Variants in CADM2 observed in about 807,000 individuals in gnomAD.
CADM2 encodes cell adhesion molecule 2.
CADM2 carries 12 observed loss-of-function variants against 49.8 expected under a neutral mutation model. The ratio of observed to expected loss-of-function variants is 0.24; its 90% CI spans 0.15 to 0.39. The LOEUF is 0.39. Among genes scored for constraint, CADM2 ranks in the 10% least tolerant of loss-of-function variants. CADM2 has a pLI of 1.00. For synonymous variants in CADM2, 214 were observed against 175.4 expected (o/e 1.22, Z -1.74); for missense variants, 378 against 492.3 (o/e 0.77, Z 2.20).
chr3:85,845,260 T>C (rs2074829031), intron 3 of CADM2, among the ~76,000 whole-genome samples: 1 of 151,488 alleles, frequency 6.6e-6, no homozygotes, highest in Admixed American at 6.6e-5. Context: ...ACAAGACAGA[T>C]AGCAGGACAG....
intron 2 of CADM2, among the ~76,000 whole-genome samples, chr3:85,748,855 A>G (rs189220266): frequency 3.5e-4 from 53 of 152,260 alleles, no homozygotes; most frequent in Non-Finnish European, 6.5e-4. Context: ...TGGTGGATAA[A>G]TGAATTAATT....
chr3:85,677,131 A>T (rs1196897275), intron 1 of CADM2, among the ~76,000 whole-genome samples: 1 of 152,146 alleles, frequency 6.6e-6, no homozygotes, highest in Non-Finnish European at 1.5e-5. Context: ...CTTATTACTG[A>T]TTAATACACT....
chr3:85,679,028 G>A (rs1408972648), intron 1 of CADM2, among the ~76,000 whole-genome samples: 1 of 152,106 alleles, frequency 6.6e-6, no homozygotes, highest in Non-Finnish European at 1.5e-5. Flanking sequence ...GAGATATGAT[G>A]CATAGCGAAT....
At chr3:85,757,927 T>C (rs2069197433) in intron 2 of CADM2, among the ~76,000 whole-genome samples, 1 of 152,154 alleles carries the variant, frequency 6.6e-6, no homozygotes, top group South Asian at 2.1e-4. Context: ...AATAATCAAA[T>C]GGAAGTTTTA....
intron 1 of CADM2, among the ~76,000 whole-genome samples, chr3:85,559,911 A>G (rs933272049): frequency 1.2e-4 from 18 of 152,118 alleles, no homozygotes; most frequent in Non-Finnish European, 2.1e-4. Flanking sequence ...CATATCTCAG[A>G]GAAATGTTGC....
chr3:86,047,111 T>A (rs77447062), intron 8 of CADM2, among the ~76,000 whole-genome samples: 5,244 of 152,142 alleles, frequency 0.034, 178 homozygotes, highest in African/African-American at 0.084. Context: ...TTCTTCAAAT[T>A]GTTTGAGCAC....
At chr3:85,140,806 T>A (rs77457096) in intron 1 of CADM2, among the ~76,000 whole-genome samples, 1,790 of 152,326 alleles carry the variant, frequency 0.012, 28 homozygotes, top group African/African-American at 0.041. Flanking sequence ...CATGCCAGAA[T>A]ATCACAGCTT....
chr3:85,811,096 T>C (rs1176120607), intron 3 of CADM2, among the ~76,000 whole-genome samples: 3 of 152,350 alleles, frequency 2.0e-5, no homozygotes, highest in East Asian at 3.9e-4. Flanking sequence ...AACATATGCA[T>C]GCCTAAATTG....
At position 85,610,246 on chromosome 3, in the gene CADM2, G is replaced by A. The variant is rs536734543; in HGVS notation, c.62-116276G>A. ...AAAAGATCTTTGAATGCAGTCAAATGGTAGTGGTCCCCATGATGTAACTAT... is the reference window on the plus strand; with the variant it reads ...AAAAGATCTTTGAATGCAGTCAAATAGTAGTGGTCCCCATGATGTAACTAT... On this transcript the variant is annotated intron_variant, in intron 1 of 9. Coordinates refer to ENST00000383699, the MANE Select transcript of CADM2 (RefSeq NM_001167675.2). Among the ~76,000 whole-genome samples the A allele has an allele frequency of 2.6e-5, 4 of 151,932 alleles. No individual in the cohort carries two copies. In the South Asian group the frequency reaches 8.3e-4, roughly 31 times the overall value.
At chr3:85,251,770 A>G (rs1478357440) in intron 1 of CADM2, among the ~76,000 whole-genome samples, 1 of 152,004 alleles carries the variant, frequency 6.6e-6, no homozygotes, top group Non-Finnish European at 1.5e-5. Flanking sequence ...ATTTTACATA[A>G]TAGCACTTTT....
At chr3:85,424,650 T>C (rs1009790443) in intron 1 of CADM2, among the ~76,000 whole-genome samples, 4 of 152,172 alleles carry the variant, frequency 2.6e-5, no homozygotes, top group African/African-American at 9.7e-5. Context: ...ATTTGCTAAT[T>C]ACAACAAAAA....
chr3:85,431,523 G>C (rs538714438), intron 1 of CADM2, among the ~76,000 whole-genome samples: 1 of 151,932 alleles, frequency 6.6e-6, no homozygotes, highest in Non-Finnish European at 1.5e-5. Flanking sequence ...GTGTAGCTGC[G>C]TATGTACATG....
At chr3:85,218,485 A>G (rs573422369) in intron 1 of CADM2, among the ~76,000 whole-genome samples, 1 of 152,234 alleles carries the variant, frequency 6.6e-6, no homozygotes, top group East Asian at 1.9e-4. Flanking sequence ...ATGTACTTAT[A>G]TCATAAACGA....
At position 85,895,904 on chromosome 3, in the gene CADM2, C is replaced by T. The variant is rs192867929; in HGVS notation, c.529+9577C>T. The stretch of plus-strand genomic sequence containing the variant: ...TCCCCAGCCATATGGAACTGTGAGT[C>T]CATTAAACCTCTTTTTCTTTATAAA... On this transcript the variant is annotated intron_variant, in intron 5 of 9. Transcript: ENST00000383699. 1.2e-4 allele frequency among the ~76,000 whole-genome samples: 19 copies of T among 152,240 alleles called. No individual in the cohort carries two copies. The East Asian group carries it at 3.7e-3, about 29-fold the overall frequency.
chr3:85,057,542 A>C (rs2036131201), intron 1 of CADM2, among the ~76,000 whole-genome samples: 2 of 152,088 alleles, frequency 1.3e-5, no homozygotes, highest in African/African-American at 4.8e-5. Flanking sequence ...TAAATATAGA[A>C]TCTGTTTTTC....
At chr3:85,979,144 AT>A (rs778343294) in intron 8 of CADM2, 97 of 1,600,088 alleles carry the variant, frequency 6.1e-5, no homozygotes, top group Admixed American at 8.5e-5. Context: ...TTTTGTTTAT[AT>A]TTTTTTTCCA....
intron 1 of CADM2, among the ~76,000 whole-genome samples, chr3:85,080,556 T>C (rs192756439): frequency 6.6e-6 from 1 of 152,184 alleles, no homozygotes; most frequent in Admixed American, 6.6e-5. Context: ...AATAATAATC[T>C]TAATCTAATA....
chr3:85,661,410 T>A (rs572671340), intron 1 of CADM2, among the ~76,000 whole-genome samples: 1 of 152,048 alleles, frequency 6.6e-6, no homozygotes, highest in African/African-American at 2.4e-5. Flanking sequence ...GTTTTAAATG[T>A]GAAATGAGCA....
At chr3:85,620,191 G>A (rs2063930531) in intron 1 of CADM2, among the ~76,000 whole-genome samples, 1 of 152,002 alleles carries the variant, frequency 6.6e-6, no homozygotes. Flanking sequence ...ATATTAGAAT[G>A]AACACTTAGA....
Sources: allele counts gnomAD v4.1 joint callset (sites outside exome capture counted in the v4.1 genomes callset), GRCh38; gene constraint gnomAD v4.1.1; transcripts MANE v1.5; gene names NCBI Gene and HGNC (gene_info 2026-07-23, HGNC 2026-07-21).